ARMC12: variants seen among roughly 807,000 people sequenced by gnomAD.
ARMC12 encodes the protein armadillo repeat containing 12, also known as armadillo repeat-containing protein 12.
A neutral mutation model predicts 37.4 loss-of-function variants in ARMC12; 25 were observed. That is an observed-to-expected ratio of 0.67 (90% CI 0.49 to 0.93). ARMC12 has a LOEUF of 0.93. ARMC12 is among the 40% of genes least tolerant of loss of function. The probability of loss-of-function intolerance (pLI) is 0.00; values close to 1 mark genes in which losing one functional copy is unlikely to be tolerated. For missense variants in ARMC12, 384 were observed against 426.6 expected, an observed-to-expected ratio of 0.90 and a Z score of 0.88; for synonymous variants, 167 against 176.1, an observed-to-expected ratio of 0.95 and a Z score of 0.41.
chr6:35,738,343 C>A (rs1767057721), intron 2 of ARMC12, 41 bp from the exon 3 acceptor site: 6 of 1,601,442 alleles, frequency 3.7e-6, no homozygotes, highest in Non-Finnish European at 4.3e-6. Context: ...GCCCAGAACA[C>A]CCGCTTCTCC....
chr6:35,748,997 G>T lies in ARMC12; in HGVS notation c.*127G>T. On this transcript the variant is annotated 3_prime_UTR_variant, in exon 6 of 6. Coordinates refer to ENST00000373866, the MANE Select transcript of ARMC12 (RefSeq NM_001286574.2). ...CAGCATAACCTCTGCTCCAGAGTGT[G>T]GTACAGCATGGGCTTATCTCTCAAA... 1 of 928,716 alleles carries T rather than the reference G, an allele frequency of 1.1e-6. No individual in the cohort carries two copies. The allele number at this position is 928,716 out of a possible 1,614,324, so 57.5% of individuals were successfully genotyped here. A position where few individuals can be genotyped will look rare whatever the true frequency, so the allele number is the denominator to read the frequency against.
chr6:35,746,422 A>T (rs1239476493), intron 3 of ARMC12, among the ~76,000 whole-genome samples: 1 of 152,184 alleles, frequency 6.6e-6, no homozygotes, highest in Non-Finnish European at 1.5e-5. Flanking sequence ...AGAGGGGCAG[A>T]TCACATTGGA....
intron 1 of ARMC12, 165 bp from the exon 2 acceptor site, chr6:35,737,862 A>G: frequency 2.3e-6 from 2 of 861,210 alleles, no homozygotes; most frequent in Non-Finnish European, 1.8e-6. Context: ...GCCCTTGTGC[A>G]GTAAACATTC....
upstream of ARMC12, among the ~76,000 whole-genome samples, chr6:35,733,378 T>G (rs1766879993): frequency 6.6e-6 from 1 of 152,212 alleles, no homozygotes; most frequent in Non-Finnish European, 1.5e-5. Context: ...TGTTGAGCTC[T>G]GTGTGTTGGG....
chr6:35,744,869 C>T (rs527574574), intron 3 of ARMC12, among the ~76,000 whole-genome samples: 11 of 152,254 alleles, frequency 7.2e-5, no homozygotes, highest in African/African-American at 2.4e-4. Flanking sequence ...CACATGAAAC[C>T]ATGTTTAATA....
At chr6:35,734,271 C>G (rs182141146), upstream of ARMC12, among the ~76,000 whole-genome samples, 149 of 152,136 alleles carry the variant, frequency 9.8e-4, 1 homozygote, top group East Asian at 0.02. Context: ...GCAATCCTAC[C>G]GCCTCAGCCT....
chr6:35,739,463 T>G (rs1767099480), intron 3 of ARMC12, among the ~76,000 whole-genome samples: 1 of 152,160 alleles, frequency 6.6e-6, no homozygotes, highest in Non-Finnish European at 1.5e-5. Flanking sequence ...GTGATTACCC[T>G]TATTTTGTCT....
At chr6:35,737,652 A>G (rs1240329453) in intron 1 of ARMC12, among the ~76,000 whole-genome samples, 1 of 152,186 alleles carries the variant, frequency 6.6e-6, no homozygotes, top group Non-Finnish European at 1.5e-5. Flanking sequence ...CAGAGCTTCC[A>G]CTAGTCCACA....
intron 3 of ARMC12, among the ~76,000 whole-genome samples, chr6:35,744,610 C>T (rs982640296): frequency 2.6e-5 from 4 of 151,942 alleles, no homozygotes; most frequent in Non-Finnish European, 5.9e-5. Context: ...CAAAAACTAG[C>T]TGGGCATGGT....
At chr6:35,741,973 TCAACCTCCCTAGTAG>T (rs958993044) in intron 3 of ARMC12, among the ~76,000 whole-genome samples, 2 of 151,964 alleles carry the variant, frequency 1.3e-5, no homozygotes, top group African/African-American at 4.8e-5. Context: ...TCCTCCCACC[TCAACCTCCCTAGTAG>T]CTAGGATTAC....
At chr6:35,732,923 C>T (rs1446825612), upstream of ARMC12, among the ~76,000 whole-genome samples, 1 of 152,212 alleles carries the variant, frequency 6.6e-6, no homozygotes. Flanking sequence ...CCTGTAATCC[C>T]AGCACTTTGA....
At chr6:35,731,947 G>C in the ARMC12 span, among the ~76,000 whole-genome samples, 5 of 152,184 alleles carry the variant, frequency 3.3e-5, no homozygotes, top group African/African-American at 9.6e-5. Context: ...TGCCGGCGCC[G>C]GGCGCGGCGG....
chr6:35,734,673 A>G (rs1016024258), upstream of ARMC12, among the ~76,000 whole-genome samples: 6 of 151,994 alleles, frequency 3.9e-5, no homozygotes, highest in Non-Finnish European at 8.8e-5. Flanking sequence ...GTGGTGGCGC[A>G]TGCCTGTAGT....
intron 1 of ARMC12, 196 bp downstream of exon 1, chr6:35,737,467 T>A (rs948999855): frequency 2.0e-6 from 3 of 1,495,836 alleles, no homozygotes; most frequent in Non-Finnish European, 2.7e-6. Flanking sequence ...GGTCCCTGGA[T>A]CTCACTCAAG....
chr6:35,738,290 G>GGCT, intron 2 of ARMC12, 94 bp from the exon 3 acceptor site: 9 of 1,433,600 alleles, frequency 6.3e-6, no homozygotes, highest in Non-Finnish European at 8.5e-6. Flanking sequence ...TAGCGGTGGG[G>GGCT]GGGGGGTGTG....
chr6:35,736,632 A>T (rs1436828567), upstream of ARMC12, among the ~76,000 whole-genome samples: 21 of 151,174 alleles, frequency 1.4e-4, no homozygotes, highest in African/African-American at 4.6e-4. Flanking sequence ...TTTTTTTGAA[A>T]TGGAGTCTTG....
At chr6:35,736,388 A>G (rs1766961615), upstream of ARMC12, among the ~76,000 whole-genome samples, 1 of 152,214 alleles carries the variant, frequency 6.6e-6, no homozygotes, top group Admixed American at 6.5e-5. Context: ...GAAAAGGAAC[A>G]GGGTTGTCAA....
rs1554141437 is a variant in ARMC12 at position 35,738,286 on chromosome 6, T to TGC, written c.310-97_310-96insCG. The TGC allele has an allele frequency of 3.8e-3, 4,061 of 1,063,186 alleles. 50 individuals are homozygous for TGC. In the East Asian group the frequency reaches 0.069, roughly 18 times the overall value. The allele number at this position is 1,063,186 out of a possible 1,614,324, so 65.9% of individuals were successfully genotyped here. A position where few individuals can be genotyped will look rare whatever the true frequency, so the allele number is the denominator to read the frequency against. On this transcript the variant is annotated intron_variant, in intron 2 of 5. Coordinates refer to ENST00000373866, the MANE Select transcript of ARMC12 (RefSeq NM_001286574.2). ...GGGACCTCTCTCTGGCTGATAGCGG[T>TGC]GGGGGGGGGGTGTGCGGAGGGATCT...
In ARMC12 at chr6:35,738,286, TGG is replaced by T. The variant is rs56101324; in HGVS notation, c.310-89_310-88del. ...GGGACCTCTCTCTGGCTGATAGCGG[TGG>T]GGGGGGGGTGTGCGGAGGGATCTTG... On this transcript the variant is annotated intron_variant, in intron 2 of 5. Coordinates refer to ENST00000373866, the MANE Select transcript of ARMC12 (RefSeq NM_001286574.2). 4.1e-4 allele frequency: 436 copies of T among 1,063,136 alleles called. 12 individuals are homozygous for T. The African/African-American group carries it at 7.9e-3, about 19-fold the overall frequency. The allele number at this position is 1,063,136 out of a possible 1,614,324, so 65.9% of individuals were successfully genotyped here. A position where few individuals can be genotyped will look rare whatever the true frequency, so the allele number is the denominator to read the frequency against.
Sources: gnomAD v4.1 joint callset for allele counts (sites outside exome capture counted in the v4.1 genomes callset) on GRCh38, gnomAD v4.1.1 for gene constraint, MANE v1.5 for transcripts, NCBI Gene and HGNC (gene_info 2026-07-23, HGNC 2026-07-21) for gene names.